The following USP32 variants were observed in gnomAD, a reference collection of about 807,000 sequenced individuals.
The protein encoded by USP32 is ubiquitin carboxyl-terminal hydrolase 32.
USP32 carries 59 observed loss-of-function variants against 204.8 expected under a neutral mutation model. The ratio of observed to expected loss-of-function variants is 0.29; its 90% confidence interval spans 0.23 to 0.36. The LOEUF is 0.36. Ranked by LOEUF, USP32 falls within the 10% of genes least tolerant of loss-of-function variation. The pLI is 1.00. For synonymous variants in USP32, 517 were observed against 678.4 expected (o/e 0.76, Z 3.70); for missense variants, 1,160 against 1,946.4 (o/e 0.60, Z 7.60).
At chr17:60,263,103 T>C (rs1211878716) in intron 9 of USP32, among the ~76,000 whole-genome samples, 1 of 152,114 alleles carries the variant, frequency 6.6e-6, no homozygotes, top group African/African-American at 2.4e-5. Context: ...CATGTGCTAC[T>C]GTGCCTGGCT....
intron 10 of USP32, among the ~76,000 whole-genome samples, chr17:60,253,958 T>C (rs1365065755): frequency 2.0e-5 from 3 of 152,206 alleles, no homozygotes; most frequent in Non-Finnish European, 4.4e-5. Flanking sequence ...TCAGATTATA[T>C]ATGTTTTAAA....
chr17:60,308,724 T>C (rs562048385), intron 2 of USP32, among the ~76,000 whole-genome samples: 58 of 152,192 alleles, frequency 3.8e-4, no homozygotes, highest in African/African-American at 1.3e-3. Context: ...GGTCAGGAGT[T>C]CAAGACCAGC....
intron 1 of USP32, among the ~76,000 whole-genome samples, chr17:60,400,187 A>G (rs1598317582): frequency 6.6e-6 from 1 of 151,708 alleles, no homozygotes; most frequent in African/African-American, 2.4e-5. Context: ...CTGGTCTTGA[A>G]CTCCTGACCT....
intron 2 of USP32, among the ~76,000 whole-genome samples, chr17:60,327,250 C>T (rs1302312438): frequency 6.6e-6 from 1 of 152,160 alleles, no homozygotes; most frequent in Non-Finnish European, 1.5e-5. Context: ...ATGGCAACGG[C>T]GAGCCTTCTG....
At chr17:60,195,685 G>A (rs2084496219) in intron 27 of USP32, among the ~76,000 whole-genome samples, 1 of 152,088 alleles carries the variant, frequency 6.6e-6, no homozygotes, top group Admixed American at 6.6e-5. Flanking sequence ...TCTAAATGTC[G>A]GAATGCGTAT....
rs58874239 is a variant in USP32, at chr17:60,291,537, A to ATGTGTGTGTG, written c.412-2865_412-2856dup. Reference sequence around the variant, plus strand: ...AAAGTGCTTCTCTCTCTGTGTGTGTATGTGTGTGTGTGTGTGTGTGTGTGT... The same window carrying ATGTGTGTGTG: ...AAAGTGCTTCTCTCTCTGTGTGTGTATGTGTGTGTGTGTGTGTGTGTGTGTGTGTGTGTGT... On this transcript the variant is annotated intron_variant, in intron 4 of 33. Coordinates refer to ENST00000300896, the MANE Select transcript of USP32 (RefSeq NM_032582.4). Among the ~76,000 whole-genome samples, 89 of 145,336 alleles carry ATGTGTGTGTG rather than the reference A, an allele frequency of 6.1e-4. No homozygotes were observed. In the Middle Eastern group the frequency reaches 0.011, roughly 17 times the overall value.
chr17:60,320,030 T>C (rs986761234), intron 2 of USP32, among the ~76,000 whole-genome samples: 1 of 152,156 alleles, frequency 6.6e-6, no homozygotes, highest in African/African-American at 2.4e-5. Flanking sequence ...AATATCAGCA[T>C]TGGAACTCTT....
At chr17:60,284,375 G>A (rs1397050432) in intron 5 of USP32, among the ~76,000 whole-genome samples, 2 of 151,446 alleles carry the variant, frequency 1.3e-5, no homozygotes, top group East Asian at 3.9e-4. Flanking sequence ...CACCATGGTT[G>A]GCTAATTTTT....
At chr17:60,289,298 G>A (rs1483371904) in intron 4 of USP32, among the ~76,000 whole-genome samples, 2 of 152,108 alleles carry the variant, frequency 1.3e-5, no homozygotes, top group Non-Finnish European at 2.9e-5. Flanking sequence ...ATGAGCCACC[G>A]TGCCCGGCCA....
Position 60,269,494 on chromosome 17 carries a change from C to T in USP32, c.767G>A (p.Gly256Glu), listed in dbSNP as rs750464514. The change falls in exon 7 of 34, where the codon GGG becomes GAG. Residue 256 changes from glycine to glutamate, a missense_variant. Physicochemically the swap from Gly to Glu is moderately conservative, Grantham distance 98. Transcript: ENST00000300896. ...NHIDFKEISC[G>E]LSACCRGPLA... The stretch of plus-strand genomic sequence containing the variant: ...GGGTCCCCTGCAACAGGCTGATAAC[C>T]CACAGGATATCTCCTTAAAATCTAT... 6.2e-7 allele frequency: 1 copy of T among 1,610,942 alleles called. No homozygotes were observed. The highest frequency in any genetic ancestry group is 1.1e-5 in the South Asian group (1 of 90,480).
chr17:60,208,270 G>C, intron 23 of USP32, 60 bp from the exon 24 acceptor site: 1 of 1,512,642 alleles, frequency 6.6e-7, no homozygotes, highest in Non-Finnish European at 8.9e-7. Context: ...AGTCTTAAAT[G>C]CTGTGTACAG....
At chr17:60,383,537 T>C (rs1396589743) in intron 1 of USP32, among the ~76,000 whole-genome samples, 1 of 152,242 alleles carries the variant, frequency 6.6e-6, no homozygotes. Context: ...ATAAAGGCTG[T>C]ACACAAACTG....
chr17:60,350,127 C>T (rs2088914678), intron 1 of USP32, among the ~76,000 whole-genome samples: 1 of 151,896 alleles, frequency 6.6e-6, no homozygotes, highest in South Asian at 2.1e-4. Context: ...ATCCTCCCAC[C>T]TCAGCCTCCC....
At chr17:60,341,956 G>A (rs570068481) in intron 2 of USP32, among the ~76,000 whole-genome samples, 40 of 152,320 alleles carry the variant, frequency 2.6e-4, no homozygotes, top group Admixed American at 8.5e-4. Context: ...CTGGCGAGGA[G>A]CTGCGATCCT....
At position 60,281,451 on chromosome 17, in the gene USP32, T is replaced by C. The variant is rs375567205; in HGVS notation, c.571+7072A>G. On this transcript the variant is annotated intron_variant, in intron 5 of 33. Transcript: ENST00000300896. ...TACTCGGGAGGCTGAGGCAGGAGAA[T>C]TGCTGGAACTCGGAGGATGGAGGTT... 2.0e-5 allele frequency among the ~76,000 whole-genome samples: 3 copies of C among 151,890 alleles called. No individual in the cohort carries two copies. The East Asian group carries it at 5.8e-4, about 29-fold the overall frequency.
chr17:60,181,565 C>T lies in USP32; in HGVS notation c.4307G>A (p.Gly1436Glu), dbSNP rs1310089037. 6.2e-7 allele frequency: 1 copy of T among 1,614,014 alleles called. No homozygotes were observed. Residue 1436 changes from glycine (G) to glutamate (E), a missense_variant, in exon 32 of 34, where the codon GGG becomes GAG. Physicochemically the swap from Gly to Glu is moderately conservative, Grantham distance 98 (BLOSUM62 -2). Transcript: ENST00000300896. ...GGCGTCAGCCAGCTCACATATCTGC[C>T]CAGCCCCATTTTCTTTGCTGGCATC... ...NLDASKENGA[G>E]QICELADALS...
rs967987421 is a variant in USP32, at chr17:60,413,708, T to C, written c.106+8538A>G. 2.2e-4 allele frequency among the ~76,000 whole-genome samples: 34 copies of C among 151,432 alleles called. 1 individual carries two copies. Among genetic ancestry groups the C allele is most frequent in the African/African-American group, 7.8e-4 (32 of 41,268 alleles). Reference sequence around the variant, plus strand: ...AGTGAAACCCTGTCTCTACTAAAAATACAAAAATCAGCTGGGCATGGCAGC... The same window carrying C: ...AGTGAAACCCTGTCTCTACTAAAAACACAAAAATCAGCTGGGCATGGCAGC... On this transcript the variant is annotated intron_variant, in intron 1 of 3. Coordinates refer to the USP32 transcript ENST00000588898.
At chr17:60,222,657 C>T (rs2085281783) in intron 14 of USP32, 108 bp from the exon 15 acceptor site, 4 of 827,678 alleles carry the variant, frequency 4.8e-6, no homozygotes, top group East Asian at 2.8e-5. Context: ...CACCCAGTTT[C>T]ATGTTGCTGG....
At chr17:60,335,356 A>G (rs2088491595) in intron 2 of USP32, among the ~76,000 whole-genome samples, 1 of 142,400 alleles carries the variant, frequency 7.0e-6, no homozygotes, top group Non-Finnish European at 1.5e-5. Context: ...TCCTACACAT[A>G]AAATCTTTCT....
Sources: allele counts gnomAD v4.1 joint callset (sites outside exome capture counted in the v4.1 genomes callset), GRCh38; gene constraint gnomAD v4.1.1; transcripts MANE v1.5; gene names NCBI Gene and HGNC (gene_info 2026-07-23, HGNC 2026-07-21).